Variants in PCSK2 observed in about 807,000 individuals in gnomAD.
PCSK2 encodes neuroendocrine convertase 2.
PCSK2 carries 14 observed loss-of-function variants against 69.7 expected under a neutral mutation model. The ratio of observed to expected loss-of-function variants is 0.20; its 90% CI spans 0.13 to 0.31. The LOEUF is 0.31. PCSK2 is among the 10% of genes least tolerant of loss of function. The pLI, the probability that PCSK2 is intolerant of heterozygous loss-of-function variation, is 1.00. For missense variants in PCSK2, 544 were observed against 842.5 expected, an observed-to-expected ratio of 0.65 and a Z score of 4.39; for synonymous variants, 307 against 320.7, an observed-to-expected ratio of 0.96 and a Z score of 0.46.
intron 2 of PCSK2, among the ~76,000 whole-genome samples, chr20:17,355,672 C>CACACAT (rs774843089): frequency 6.6e-6 from 1 of 151,634 alleles, no homozygotes; most frequent in Admixed American, 6.6e-5. Flanking sequence ...CACACACACA[C>CACACAT]ACAGAGAGAG....
At chr20:17,392,872 C>T (rs2031419134) in intron 5 of PCSK2, among the ~76,000 whole-genome samples, 1 of 152,054 alleles carries the variant, frequency 6.6e-6, no homozygotes, top group Non-Finnish European at 1.5e-5. Flanking sequence ...TAAATAAAAT[C>T]GTTATATACA....
intron 6 of PCSK2, among the ~76,000 whole-genome samples, chr20:17,414,661 G>A (rs968988609): frequency 3.3e-5 from 5 of 152,198 alleles, no homozygotes; most frequent in African/African-American, 1.2e-4. Context: ...CAGAAAAAGA[G>A]GGAATCCTCC....
Position 17,347,889 on chromosome 20 carries a change from A to AAAGG in PCSK2, c.283-10435_283-10434insGAAG, listed in dbSNP as rs1990711714. Among the ~76,000 whole-genome samples the AAAGG allele has an allele frequency of 8.8e-4, 6 of 6,842 alleles. No individual in the cohort carries two copies. The East Asian group carries it at 9.7e-3, about 11-fold the overall frequency. The allele number at this position is 6,842 out of a possible 152,430, so 4.5% of individuals were successfully genotyped here. On this transcript the variant is annotated intron_variant, in intron 2 of 11. Transcript: ENST00000262545. Reference sequence around the variant, plus strand: ...AGAGAGAAAAAAGAAAGAAAGAAAGAAAGAAAGAAAGAAAGAAAGAAAGAA... The same window carrying AAAGG: ...AGAGAGAAAAAAGAAAGAAAGAAAGAAAGGAAGAAAGAAAGAAAGAAAGAAAGAA...
chr20:17,263,841 T>C (rs1288894373), intron 2 of PCSK2, among the ~76,000 whole-genome samples: 1 of 152,204 alleles, frequency 6.6e-6, no homozygotes, highest in Non-Finnish European at 1.5e-5. Flanking sequence ...AAGGTTTTGA[T>C]AATGAAAATA....
intron 5 of PCSK2, among the ~76,000 whole-genome samples, chr20:17,407,463 G>A (rs4814619): frequency 7.2e-5 from 11 of 152,094 alleles, no homozygotes; most frequent in African/African-American, 1.4e-4. Flanking sequence ...TGTTTCTCTC[G>A]ATATTCCTAC....
intron 2 of PCSK2, among the ~76,000 whole-genome samples, chr20:17,295,032 G>A (rs1047739607): frequency 1.3e-5 from 2 of 151,950 alleles, no homozygotes; most frequent in East Asian, 1.9e-4. Flanking sequence ...ATTAAATCTG[G>A]AATTTTAATA....
At chr20:17,447,243 C>T (rs890788359) in intron 8 of PCSK2, among the ~76,000 whole-genome samples, 1 of 145,968 alleles carries the variant, frequency 6.9e-6, no homozygotes, top group Non-Finnish European at 1.5e-5. Flanking sequence ...TGCACTCCAG[C>T]CTGGGTGACA....
In PCSK2 at chr20:17,227,363, A is replaced by G. The variant is rs1165542621; in HGVS notation, c.58A>G (p.Met20Val). The G allele has an allele frequency of 1.9e-5, 31 of 1,613,808 alleles. No individual in the cohort carries two copies. Among genetic ancestry groups the G allele is most frequent in the Non-Finnish European group, 2.6e-5 (31 of 1,179,916 alleles). The change falls in exon 1 of 12, where the codon ATG becomes GTG. Residue 20 changes from methionine (M) to valine (V), a missense_variant. Met to Val is a conservative substitution (Grantham distance 21, BLOSUM62 1). Around this residue, in one of 3 missense-constraint regions of PCSK2, gnomAD observed 157 missense variants for 155.0 expected, o/e 1.01. Coordinates refer to ENST00000262545, the MANE Select transcript of PCSK2 (RefSeq NM_002594.5). ...GGCCGCCGGGTTCCTCTTCTGTGTCATGGTTTTTGCATCTGCTGAGCGACC... is the reference window on the plus strand; with the variant it reads ...GGCCGCCGGGTTCCTCTTCTGTGTCGTGGTTTTTGCATCTGCTGAGCGACC... ...KAAAGFLFCV[M>V]VFASAERPVF...
chr20:17,370,150 T>C (rs1158453292), intron 5 of PCSK2, among the ~76,000 whole-genome samples: 2 of 152,204 alleles, frequency 1.3e-5, no homozygotes, highest in African/African-American at 4.8e-5. Flanking sequence ...CACTTAAAAT[T>C]ATCCAAACTA....
intron 4 of PCSK2, among the ~76,000 whole-genome samples, chr20:17,365,504 G>A (rs1205652456): frequency 6.6e-6 from 1 of 152,004 alleles, no homozygotes; most frequent in East Asian, 1.9e-4. Flanking sequence ...TTCTAGCCCA[G>A]TAGCCCCAAA....
At chr20:17,275,059 T>C (rs1017880502) in intron 2 of PCSK2, among the ~76,000 whole-genome samples, 1 of 142,078 alleles carries the variant, frequency 7.0e-6, no homozygotes, top group Admixed American at 7.4e-5. Flanking sequence ...TGTTATTCTA[T>C]CTTATTTTGT....
At chr20:17,262,573 G>A (rs1260166372) in intron 2 of PCSK2, among the ~76,000 whole-genome samples, 3 of 152,038 alleles carry the variant, frequency 2.0e-5, no homozygotes, top group Non-Finnish European at 4.4e-5. Context: ...GGCATCTGCT[G>A]ATAGAAAAAT....
At chr20:17,316,173 T>C (rs895642600) in intron 2 of PCSK2, among the ~76,000 whole-genome samples, 72 of 152,220 alleles carry the variant, frequency 4.7e-4, no homozygotes, top group African/African-American at 1.7e-3. Context: ...GGGCAAGTTG[T>C]GCCTGCTCAG....
intron 1 of PCSK2, among the ~76,000 whole-genome samples, chr20:17,231,917 T>C (rs2122930323): frequency 6.6e-6 from 1 of 152,246 alleles, no homozygotes; most frequent in Admixed American, 6.5e-5. Context: ...CCTGGAGACC[T>C]CTCCATAGCC....
chr20:17,268,395 G>C (rs1987720915), intron 2 of PCSK2, among the ~76,000 whole-genome samples: 1 of 152,052 alleles, frequency 6.6e-6, no homozygotes, highest in Admixed American at 6.6e-5. Flanking sequence ...AGCCATAGAG[G>C]GGTGTTTCTA....
In PCSK2 at chr20:17,227,098, C is replaced by A; in HGVS notation, c.-208C>A. On this transcript the variant is annotated 5_prime_UTR_variant, in exon 1 of 12. Transcript: ENST00000262545. ...TTCGCACCCCTGCCCGCGCGCCGGG[C>A]CGCCTGACTGCACGGCTTCCCCTCC... 1 of 554,476 alleles carries A rather than the reference C, an allele frequency of 1.8e-6. No individual in the cohort carries two copies. Among genetic ancestry groups the A allele is most frequent in the Non-Finnish European group, 3.2e-6 (1 of 313,930 alleles). The allele number at this position is 554,476 out of a possible 1,614,324, so 34.3% of individuals were successfully genotyped here.
chr20:17,462,942 A>C (rs1278382020), intron 10 of PCSK2, among the ~76,000 whole-genome samples: 1 of 152,206 alleles, frequency 6.6e-6, no homozygotes, highest in Admixed American at 6.5e-5. Flanking sequence ...TACTTTACAG[A>C]ATATTGTAGT....
chr20:17,347,366 T>C (rs1172418208), intron 2 of PCSK2, among the ~76,000 whole-genome samples: 1 of 152,138 alleles, frequency 6.6e-6, no homozygotes, highest in East Asian at 1.9e-4. Flanking sequence ...TGTTTGGATC[T>C]CGACAACCAA....
intron 2 of PCSK2, among the ~76,000 whole-genome samples, chr20:17,311,293 T>C (rs760145700): frequency 6.6e-5 from 10 of 152,214 alleles, no homozygotes; most frequent in Non-Finnish European, 1.5e-4. Context: ...GTGCTAAATT[T>C]GTAAGTTCCT....
Sources: allele counts gnomAD v4.1 joint callset (sites outside exome capture counted in the v4.1 genomes callset), GRCh38; gene constraint gnomAD v4.1.1; regional missense constraint gnomAD v4.1.1; transcripts MANE v1.5; gene names NCBI Gene and HGNC (gene_info 2026-07-23, HGNC 2026-07-21).